The following NEK7 variants were observed in gnomAD, a reference collection of about 807,000 sequenced individuals.
The protein encoded by NEK7 is serine/threonine-protein kinase Nek7.
A neutral mutation model predicts 44.6 loss-of-function variants in NEK7; 18 were observed. The ratio of observed to expected loss-of-function variants is 0.40; its 90% confidence interval spans 0.28 to 0.60. The LOEUF is 0.60. Ranked by LOEUF, NEK7 falls within the 20% of genes least tolerant of loss-of-function variation. NEK7 has a pLI of 0.38. For synonymous variants in NEK7, 130 were observed against 121.1 expected (o/e 1.07, Z -0.48); for missense variants, 256 against 366.5 (o/e 0.70, Z 2.46).
In NEK7 at chr1:198,290,627, A is replaced by C. The variant is rs536055770; in HGVS notation, c.590-2318A>C. Among the ~76,000 whole-genome samples the C allele has an allele frequency of 1.1e-4, 17 of 152,286 alleles. No homozygotes were observed. In the South Asian group the frequency reaches 3.5e-3, roughly 32 times the overall value. The stretch of plus-strand genomic sequence containing the variant: ...CTCTTAGGCCTGTGTTCCCTAGTGA[A>C]TTATGAATTTATCCTATTAATAATT... On this transcript the variant is annotated intron_variant, in intron 7 of 9. Transcript: ENST00000367385.
intron 9 of NEK7, among the ~76,000 whole-genome samples, chr1:198,297,462 T>C (rs1558100366): frequency 6.6e-6 from 1 of 152,192 alleles, no homozygotes. Flanking sequence ...TGGTGTAAAA[T>C]TGGCCACTTT....
chr1:198,304,263 T>C (rs1294267782), intron 9 of NEK7, among the ~76,000 whole-genome samples: 2 of 152,218 alleles, frequency 1.3e-5, no homozygotes, highest in Admixed American at 6.5e-5. Flanking sequence ...CTGTGAAATA[T>C]AGACATTACA....
chr1:198,226,853 TTGTC>T (rs1666242242), intron 1 of NEK7, among the ~76,000 whole-genome samples: 1 of 119,060 alleles, frequency 8.4e-6, no homozygotes, highest in Admixed American at 9.5e-5. Context: ...CTGACCTGCT[TTGTC>T]TGATTGTAGA....
chr1:198,250,290 G>T (rs1384463459), intron 2 of NEK7, among the ~76,000 whole-genome samples: 15 of 149,258 alleles, frequency 1.0e-4, no homozygotes, highest in African/African-American at 3.5e-4. Flanking sequence ...TAGCCTTGTA[G>T]TATAGTTTGA....
chr1:198,314,594 T>C (rs1215478118), intron 9 of NEK7, among the ~76,000 whole-genome samples: 2 of 152,206 alleles, frequency 1.3e-5, no homozygotes, highest in Non-Finnish European at 2.9e-5. Flanking sequence ...ATGATGGTGA[T>C]GTACAGGTGG....
chr1:198,208,526 G>C (rs1665663672), intron 1 of NEK7: 1 of 152,102 alleles, frequency 6.6e-6, no homozygotes, highest in South Asian at 2.1e-4. Flanking sequence ...ACAGGCACCT[G>C]CCACCACGCC....
chr1:198,253,043 G>A lies in NEK7; in HGVS notation c.61G>A (p.Ala21Thr), dbSNP rs116247582. 3.1e-6 allele frequency: 5 copies of A among 1,602,294 alleles called. No homozygotes were observed. The highest frequency in any genetic ancestry group is 2.2e-5 in the East Asian group (1 of 44,608). Residue 21 changes from alanine (A) to threonine (T), a missense_variant, in exon 3 of 10, where the codon GCC becomes ACC. Ala to Thr is a moderately conservative substitution (Grantham distance 58, BLOSUM62 0). Transcript: ENST00000367385. Reference sequence around the variant, plus strand: ...TTTCTGACATTTTTAATTACAGAAGGCCTTACGACCGGATATGGGCTATAA... The same window carrying A: ...TTTCTGACATTTTTAATTACAGAAGACCTTACGACCGGATATGGGCTATAA... ...PPVPQFQPQK[A>T]LRPDMGYNTL... is the part of the protein sequence containing the mutation.
chr1:198,275,605 A>T (rs1653993425), intron 5 of NEK7, among the ~76,000 whole-genome samples: 1 of 151,420 alleles, frequency 6.6e-6, no homozygotes, highest in Non-Finnish European at 1.5e-5. Context: ...TTAACTTTTA[A>T]AAAGATATGT....
intron 2 of NEK7, among the ~76,000 whole-genome samples, chr1:198,247,319 C>G (rs1666860392): frequency 6.6e-6 from 1 of 151,994 alleles, no homozygotes; most frequent in Non-Finnish European, 1.5e-5. Context: ...TGTGGATCAT[C>G]ATGTAGGGTC....
At chr1:198,227,712 GTTGT>G (rs1481672731) in intron 1 of NEK7, among the ~76,000 whole-genome samples, 4 of 152,242 alleles carry the variant, frequency 2.6e-5, no homozygotes, top group East Asian at 3.9e-4. Flanking sequence ...TTTTGATGGG[GTTGT>G]TTGTTTTTTT....
intron 3 of NEK7, among the ~76,000 whole-genome samples, chr1:198,255,102 T>C (rs1468389612): frequency 6.6e-6 from 1 of 152,108 alleles, no homozygotes; most frequent in Non-Finnish European, 1.5e-5. Flanking sequence ...GAGATGTCAA[T>C]TTGAGCTGTT....
intron 1 of NEK7, among the ~76,000 whole-genome samples, chr1:198,204,521 C>T (rs1665531955): frequency 6.6e-6 from 1 of 151,896 alleles, no homozygotes. Flanking sequence ...AGATGGAGAC[C>T]ATCCTGGCTA....
intron 5 of NEK7, among the ~76,000 whole-genome samples, chr1:198,265,763 T>C (rs1653632347): frequency 6.6e-6 from 1 of 151,988 alleles, no homozygotes; most frequent in Admixed American, 6.6e-5. Context: ...AGATAAAGAG[T>C]TGATTTCCTG....
chr1:198,209,317 G>A (rs976903258), intron 1 of NEK7, among the ~76,000 whole-genome samples: 4 of 151,832 alleles, frequency 2.6e-5, no homozygotes, highest in African/African-American at 9.7e-5. Context: ...ATTTTATTAT[G>A]CAAAGTGATG....
At chr1:198,277,033 A>G (rs1654040530) in intron 5 of NEK7, among the ~76,000 whole-genome samples, 1 of 151,752 alleles carries the variant, frequency 6.6e-6, no homozygotes, top group Admixed American at 6.6e-5. Context: ...ATACCTATAT[A>G]TATTTTAAAA....
chr1:198,159,326 A>C (rs1257964440), intron 1 of NEK7, among the ~76,000 whole-genome samples: 4 of 151,932 alleles, frequency 2.6e-5, no homozygotes, highest in Non-Finnish European at 5.9e-5. Context: ...AGGAAGGAGG[A>C]GGGGGGCTTC....
At chr1:198,292,447 AG>A (rs1654587819) in intron 7 of NEK7, among the ~76,000 whole-genome samples, 2 of 152,010 alleles carry the variant, frequency 1.3e-5, no homozygotes, top group Admixed American at 1.3e-4. Flanking sequence ...TAAGGCATCA[AG>A]TGTTATATCA....
Position 198,253,173 on chromosome 1 carries a change from A to C in NEK7, c.191A>C (p.Lys64Thr). ...GATGGAGTACCAGTAGCTTTAAAAA[A>C]AGTGCAGGTAAGATGACTTTAATTA... ...LLDGVPVALK[K>T]VQIFDLMDAK... The change falls in exon 3 of 10, where the codon AAA (lysine) becomes ACA (threonine). Residue 64 changes from lysine to threonine, a missense_variant. Transcript: ENST00000367385. The C allele has an allele frequency of 3.1e-6, 5 of 1,597,172 alleles. No individual in the cohort carries two copies. Among genetic ancestry groups the C allele is most frequent in the Non-Finnish European group, 4.3e-6 (5 of 1,169,788 alleles).
intron 5 of NEK7, among the ~76,000 whole-genome samples, chr1:198,275,826 T>G (rs1333171432): frequency 2.0e-5 from 3 of 151,326 alleles, no homozygotes; most frequent in African/African-American, 7.3e-5. Flanking sequence ...TTTTAAGTGT[T>G]GGTTTTCTCA....
Sources: gnomAD v4.1 joint callset for allele counts (sites outside exome capture counted in the v4.1 genomes callset) on GRCh38, gnomAD v4.1.1 for gene constraint, MANE v1.5 for transcripts, NCBI Gene and HGNC (gene_info 2026-07-23, HGNC 2026-07-21) for gene names.